The following PLPPR1 variants were observed in gnomAD, a reference collection of about 807,000 sequenced individuals.
PLPPR1 encodes the protein phospholipid phosphatase-related protein type 1.
In PLPPR1, 10 loss-of-function variants were observed where a neutral mutation model predicts 33.1. The observed-to-expected ratio is 0.30, with a 90% confidence interval of 0.19 to 0.51. The LOEUF (loss-of-function observed/expected upper bound fraction) is 0.51. PLPPR1 is among the 20% of genes least tolerant of loss of function. The pLI, the probability that PLPPR1 is intolerant of heterozygous loss-of-function variation, is 0.97. For synonymous variants in PLPPR1, 151 were observed against 151.0 expected (o/e 1.00, Z 0.00); for missense variants, 304 against 408.1 (o/e 0.74, Z 2.20).
intron 1 of PLPPR1, among the ~76,000 whole-genome samples, chr9:101,165,365 TTGAC>T (rs1825840147): frequency 6.6e-6 from 1 of 152,136 alleles, no homozygotes; most frequent in Non-Finnish European, 1.5e-5. Context: ...TTATGAATGA[TTGAC>T]TGAGTTGAAT....
chr9:101,120,857 T>C (rs924647415), intron 1 of PLPPR1, among the ~76,000 whole-genome samples: 1 of 152,226 alleles, frequency 6.6e-6, no homozygotes, highest in African/African-American at 2.4e-5. Context: ...ATCACATCCA[T>C]TGCATTGGAC....
At chr9:101,261,321 G>A (rs1827896279) in intron 2 of PLPPR1, among the ~76,000 whole-genome samples, 1 of 152,018 alleles carries the variant, frequency 6.6e-6, no homozygotes, top group Non-Finnish European at 1.5e-5. Context: ...AAAGACCATG[G>A]CTATTTTAAC....
chr9:101,275,367 C>T lies in PLPPR1; in HGVS notation c.252+5299C>T, dbSNP rs1828171994. The stretch of plus-strand genomic sequence containing the variant: ...AGACTCTGCTGTATATTCAACCTGT[C>T]ATTTCCTATTTCTCCTTTTGTGCTT... On this transcript the variant is annotated intron_variant, in intron 3 of 7. Transcript: ENST00000374874. Among the ~76,000 whole-genome samples the T allele has an allele frequency of 2.0e-5, 3 of 152,234 alleles. No homozygotes were observed. In the South Asian group the frequency reaches 6.2e-4, roughly 31 times the overall value.
Position 101,163,221 on chromosome 9 carries a change from T to C in PLPPR1, c.-45-22229T>C, listed in dbSNP as rs1299373824. Among the ~76,000 whole-genome samples, 4 of 152,322 alleles carry C rather than the reference T, an allele frequency of 2.6e-5. No individual in the cohort carries two copies. In the East Asian group the frequency reaches 7.7e-4, roughly 29 times the overall value. On this transcript the variant is annotated intron_variant, in intron 1 of 7. Coordinates refer to ENST00000374874, the MANE Select transcript of PLPPR1 (RefSeq NM_207299.2). ...ACAGAATAGTATCATAGTTTGTTCC[T>C]ATTTGGTGTCTGAACACTCCACGAC... is the stretch of plus-strand genomic sequence containing the variant.
intron 4 of PLPPR1, 124 bp downstream of exon 4, chr9:101,286,360 C>T: frequency 1.2e-6 from 1 of 807,212 alleles, no homozygotes; most frequent in Non-Finnish European, 1.9e-6. Context: ...GGGGATTTTC[C>T]TGATCCTACT....
chr9:101,314,792 GA>G (rs1333583505), intron 6 of PLPPR1, among the ~76,000 whole-genome samples: 1 of 151,766 alleles, frequency 6.6e-6, no homozygotes, highest in Non-Finnish European at 1.5e-5. Context: ...AAAGTGAAGA[GA>G]AATAAAACAA....
chr9:101,062,352 A>G (rs966172720), intron 1 of PLPPR1, among the ~76,000 whole-genome samples: 1 of 152,086 alleles, frequency 6.6e-6, no homozygotes, highest in African/African-American at 2.4e-5. Flanking sequence ...TTCAAATAAT[A>G]ATTGTGCAAA....
At chr9:101,317,025 C>T (rs373337510) in intron 6 of PLPPR1, among the ~76,000 whole-genome samples, 16 of 152,180 alleles carry the variant, frequency 1.1e-4, no homozygotes, top group East Asian at 5.8e-4. Context: ...TCCTCAGGGT[C>T]GTGCCAGACA....
intron 1 of PLPPR1, among the ~76,000 whole-genome samples, chr9:101,108,890 A>G: frequency 6.6e-6 from 1 of 151,960 alleles, no homozygotes; most frequent in African/African-American, 2.4e-5. Flanking sequence ...TCAGTTTATC[A>G]ATATTATTTA....
intron 2 of PLPPR1, among the ~76,000 whole-genome samples, chr9:101,267,954 G>A (rs1246643654): frequency 6.6e-6 from 1 of 152,068 alleles, no homozygotes; most frequent in African/African-American, 2.4e-5. Context: ...GTCCTTTGTA[G>A]GGACATGGAT....
chr9:101,132,198 T>C (rs1588041089), intron 1 of PLPPR1, among the ~76,000 whole-genome samples: 1 of 152,216 alleles, frequency 6.6e-6, no homozygotes, highest in East Asian at 1.9e-4. Flanking sequence ...TATTTCACTG[T>C]TGTTCAATGT....
At chr9:101,306,719 A>G (rs1196852341) in intron 4 of PLPPR1, among the ~76,000 whole-genome samples, 3 of 152,202 alleles carry the variant, frequency 2.0e-5, no homozygotes, top group Non-Finnish European at 4.4e-5. Flanking sequence ...GAAATGAAAA[A>G]TATCTATTAA....
At chr9:101,110,985 T>C (rs1028797179) in intron 1 of PLPPR1, among the ~76,000 whole-genome samples, 2 of 152,072 alleles carry the variant, frequency 1.3e-5, no homozygotes, top group Admixed American at 6.6e-5. Context: ...GCAATATAAG[T>C]GATCAACCAC....
intron 1 of PLPPR1, among the ~76,000 whole-genome samples, chr9:101,128,364 T>C (rs973770430): frequency 6.6e-6 from 1 of 152,228 alleles, no homozygotes; most frequent in Admixed American, 6.5e-5. Flanking sequence ...TGAGTACTTA[T>C]TTTTAAAAGT....
intron 1 of PLPPR1, among the ~76,000 whole-genome samples, chr9:101,036,424 C>A (rs188943810): frequency 1.9e-4 from 29 of 152,208 alleles, no homozygotes; most frequent in Non-Finnish European, 3.7e-4. Flanking sequence ...CCTGTCATCT[C>A]TCTATTTATC....
At chr9:101,154,521 T>C (rs1440798341) in intron 1 of PLPPR1, among the ~76,000 whole-genome samples, 1 of 152,206 alleles carries the variant, frequency 6.6e-6, no homozygotes, top group South Asian at 2.1e-4. Flanking sequence ...TATTCTCTGA[T>C]GGTAGTCTGT....
intron 1 of PLPPR1, among the ~76,000 whole-genome samples, chr9:101,055,092 CAATGATTATATA>C (rs1830265401): frequency 6.6e-6 from 1 of 152,112 alleles, no homozygotes; most frequent in South Asian, 2.1e-4. Flanking sequence ...CAACTAGAAC[CAATGATTATATA>C]AAATGGTTAT....
intron 4 of PLPPR1, among the ~76,000 whole-genome samples, chr9:101,286,716 A>G (rs1391464138): frequency 6.6e-6 from 1 of 152,210 alleles, no homozygotes; most frequent in Non-Finnish European, 1.5e-5. Flanking sequence ...TACTTTTATT[A>G]GTGTTCATGA....
chr9:101,164,365 CTT>C (rs66835142), intron 1 of PLPPR1, among the ~76,000 whole-genome samples: 1 of 133,512 alleles, frequency 7.5e-6, no homozygotes, highest in Non-Finnish European at 1.5e-5. Flanking sequence ...CTTTTCTTTT[CTT>C]TTTTTTTTTT....
Sources: gnomAD v4.1 joint callset for allele counts (sites outside exome capture counted in the v4.1 genomes callset) on GRCh38, gnomAD v4.1.1 for gene constraint, MANE v1.5 for transcripts, NCBI Gene and HGNC (gene_info 2026-07-23, HGNC 2026-07-21) for gene names.